Variants in CCSER1 observed in about 807,000 individuals in gnomAD.
CCSER1 encodes coiled-coil serine rich protein 1, also known as serine-rich coiled-coil domain-containing protein 1.
Under a neutral mutation model 82.0 loss-of-function variants are expected in CCSER1, and 41 were observed. The observed-to-expected ratio is 0.50, with a 90% CI of 0.39 to 0.65. The LOEUF is 0.65. Among genes scored for constraint, CCSER1 ranks in the 30% least tolerant of loss-of-function variants. The pLI is 0.00. For synonymous variants in CCSER1, 414 were observed against 383.9 expected, an observed-to-expected ratio of 1.08 and a Z score of -0.92; for missense variants, 1,119 against 1,064.2, an observed-to-expected ratio of 1.05 and a Z score of -0.72.
intron 10 of CCSER1, among the ~76,000 whole-genome samples, chr4:91,595,534 ATTG>A (rs1428121343): frequency 6.6e-6 from 1 of 152,148 alleles, no homozygotes; most frequent in East Asian, 1.9e-4. Context: ...GATGATGATT[ATTG>A]TTGTGATTAA....
chr4:91,251,908 G>A (rs765443614), intron 10 of CCSER1, among the ~76,000 whole-genome samples: 1 of 152,134 alleles, frequency 6.6e-6, no homozygotes, highest in Admixed American at 6.6e-5. Flanking sequence ...GGTATGGTTA[G>A]GGTAGAGAGA....
intron 10 of CCSER1, among the ~76,000 whole-genome samples, chr4:91,530,645 G>GA (rs1004262064): frequency 1.5e-4 from 22 of 147,364 alleles, no homozygotes; most frequent in African/African-American, 3.5e-4. Context: ...TATTTATGCT[G>GA]AAAAAAAAAT....
rs866853276 is a variant in CCSER1 at position 91,296,469 on chromosome 4, A to G, written c.2217+210475A>G. On this transcript the variant is annotated intron_variant, in intron 10 of 10. Coordinates refer to ENST00000509176, the MANE Select transcript of CCSER1 (RefSeq NM_001145065.2). Reference sequence around the variant, plus strand: ...TAACATTATATATATATATATATGTATATATATATATATATATTTTAATTA... The same window carrying G: ...TAACATTATATATATATATATATGTGTATATATATATATATATTTTAATTA... 1.5e-3 allele frequency among the ~76,000 whole-genome samples: 199 copies of G among 132,886 alleles called. 10 individuals carry two copies. Among genetic ancestry groups the G allele is most frequent in the Non-Finnish European group, 2.0e-3 (128 of 62,742 alleles). The allele number at this position is 132,886 out of a possible 152,430, so 87.2% of individuals were successfully genotyped here.
chr4:91,410,835 A>C (rs1382925262), intron 10 of CCSER1, among the ~76,000 whole-genome samples: 1 of 152,136 alleles, frequency 6.6e-6, no homozygotes. Context: ...TGTATCCAAC[A>C]AACATGATTT....
chr4:90,410,770 A>C (rs563597279), intron 4 of CCSER1, among the ~76,000 whole-genome samples: 15 of 152,340 alleles, frequency 9.8e-5, no homozygotes, highest in Admixed American at 9.1e-4. Context: ...GAAATAACTA[A>C]GATCAGAGAA....
intron 5 of CCSER1, among the ~76,000 whole-genome samples, chr4:90,623,640 T>C (rs1722760809): frequency 6.6e-6 from 1 of 152,196 alleles, no homozygotes; most frequent in Admixed American, 6.5e-5. Context: ...AATGTACTGT[T>C]AAGTTCTTAT....
chr4:90,747,697 G>C (rs150144467), intron 7 of CCSER1, among the ~76,000 whole-genome samples: 1 of 150,320 alleles, frequency 6.7e-6, no homozygotes, highest in African/African-American at 2.5e-5. Flanking sequence ...ACATATGCAC[G>C]ATGTGCAGGT....
intron 1 of CCSER1, among the ~76,000 whole-genome samples, chr4:90,181,884 A>T (rs1458407573): frequency 6.6e-6 from 1 of 152,152 alleles, no homozygotes; most frequent in Non-Finnish European, 1.5e-5. Context: ...TGAGACAGCC[A>T]CAGCCCATAA....
chr4:90,666,618 T>C (rs778759390), intron 6 of CCSER1, among the ~76,000 whole-genome samples: 1 of 152,046 alleles, frequency 6.6e-6, no homozygotes, highest in Non-Finnish European at 1.5e-5. Context: ...TGGTGATAAT[T>C]AGGAAAATGC....
chr4:90,958,144 G>A lies in CCSER1; in HGVS notation c.2172+34697G>A, dbSNP rs563366214. Among the ~76,000 whole-genome samples the A allele has an allele frequency of 3.9e-5, 6 of 152,138 alleles. No homozygotes were observed. In the East Asian group the frequency reaches 1.2e-3, roughly 29 times the overall value. On this transcript the variant is annotated intron_variant, in intron 9 of 10. Coordinates refer to ENST00000509176, the MANE Select transcript of CCSER1 (RefSeq NM_001145065.2). ...GCATCAAGTTTTATTTAATGTTTAAGACCTCTGAATTTTCTCTGAATTAGA... is the reference window on the plus strand; with the variant it reads ...GCATCAAGTTTTATTTAATGTTTAAAACCTCTGAATTTTCTCTGAATTAGA...
chr4:91,072,996 AAGAC>A (rs950861274), intron 9 of CCSER1, among the ~76,000 whole-genome samples: 53 of 152,224 alleles, frequency 3.5e-4, no homozygotes, highest in Middle Eastern at 6.8e-3. Context: ...CATTTTTACA[AAGAC>A]AGAACCTTAA....
intron 9 of CCSER1, among the ~76,000 whole-genome samples, chr4:91,069,406 A>G (rs1721195284): frequency 6.6e-6 from 1 of 151,974 alleles, no homozygotes. Context: ...TCAATATATT[A>G]ATGGCATGTT....
chr4:90,233,899 CAATT>C (rs988831431), intron 1 of CCSER1, among the ~76,000 whole-genome samples: 4 of 152,044 alleles, frequency 2.6e-5, no homozygotes, highest in African/African-American at 4.8e-5. Flanking sequence ...TTATTGGACA[CAATT>C]AAATTATGCC....
intron 8 of CCSER1, among the ~76,000 whole-genome samples, chr4:90,852,711 A>C (rs1260683136): frequency 4.6e-5 from 7 of 152,218 alleles, no homozygotes; most frequent in Non-Finnish European, 5.9e-5. Flanking sequence ...CAGAAGAGGA[A>C]AGGAAGGGTA....
chr4:90,857,824 G>A (rs768657742), intron 8 of CCSER1, among the ~76,000 whole-genome samples: 7 of 152,046 alleles, frequency 4.6e-5, no homozygotes, highest in Non-Finnish European at 1.0e-4. Context: ...ACAACATATG[G>A]ACTACAGTTA....
At chr4:91,008,510 A>T (rs770687196) in intron 9 of CCSER1, among the ~76,000 whole-genome samples, 1 of 152,158 alleles carries the variant, frequency 6.6e-6, no homozygotes, top group Non-Finnish European at 1.5e-5. Context: ...TCTGACTTCA[A>T]TATAGTCACC....
intron 3 of CCSER1, among the ~76,000 whole-genome samples, chr4:90,374,993 T>C (rs371697154): frequency 3.9e-5 from 6 of 152,152 alleles, no homozygotes; most frequent in African/African-American, 1.4e-4. Context: ...AACTCAAAAA[T>C]AATTCTCACT....
chr4:91,500,508 CT>C (rs2110092145), intron 10 of CCSER1, among the ~76,000 whole-genome samples: 1 of 151,894 alleles, frequency 6.6e-6, no homozygotes, highest in South Asian at 2.1e-4. Flanking sequence ...TAATATAGTT[CT>C]TTTTCATTTT....
chr4:90,718,227 C>G (rs2149353608), intron 6 of CCSER1, among the ~76,000 whole-genome samples: 1 of 152,124 alleles, frequency 6.6e-6, no homozygotes, highest in South Asian at 2.1e-4. Flanking sequence ...TTTATTAGGT[C>G]TAGAGGATCA....
Sources: gnomAD v4.1 joint callset for allele counts (sites outside exome capture counted in the v4.1 genomes callset) on GRCh38, gnomAD v4.1.1 for gene constraint, MANE v1.5 for transcripts, NCBI Gene and HGNC (gene_info 2026-07-23, HGNC 2026-07-21) for gene names.